Variants in BDH1 observed in about 807,000 individuals in gnomAD.
BDH1 encodes 3-hydroxybutyrate dehydrogenase 1, also known as D-beta-hydroxybutyrate dehydrogenase, mitochondrial.
A neutral mutation model predicts 33.1 loss-of-function variants in BDH1; 30 were observed. The ratio of observed to expected loss-of-function variants is 0.91; its 90% CI spans 0.68 to 1.23. BDH1 has a LOEUF of 1.23. Among genes scored for constraint, BDH1 ranks in the 50% most tolerant of loss-of-function variants. The pLI, the probability that BDH1 is intolerant of heterozygous loss-of-function variation, is 0.00. For synonymous variants in BDH1, 190 were observed against 183.6 expected, an observed-to-expected ratio of 1.03 and a Z score of -0.28; for missense variants, 443 against 464.4, an observed-to-expected ratio of 0.95 and a Z score of 0.42.
chr3:197,530,245 C>T (rs1464294744), intron 5 of BDH1: 1 of 152,188 alleles, frequency 6.6e-6, no homozygotes, highest in Non-Finnish European at 1.5e-5. Context: ...CACTCATGCA[C>T]TCCTGGAGGG....
chr3:197,556,818 G>A (rs551268676), upstream of BDH1, among the ~76,000 whole-genome samples: 1 of 152,356 alleles, frequency 6.6e-6, no homozygotes, highest in Non-Finnish European at 1.5e-5. Flanking sequence ...CTATCGCCCT[G>A]CGCCAGCACA....
intron 1 of BDH1, among the ~76,000 whole-genome samples, chr3:197,571,114 A>T (rs1717592319): frequency 6.6e-6 from 1 of 152,160 alleles, no homozygotes; most frequent in African/African-American, 2.4e-5. Flanking sequence ...TGGATTTTGG[A>T]CTTTCATGGA....
At chr3:197,557,393 T>C (rs1033202786), upstream of BDH1, among the ~76,000 whole-genome samples, 1 of 152,202 alleles carries the variant, frequency 6.6e-6, no homozygotes, top group African/African-American at 2.4e-5. This position sits in a 1 kb window ranked among gnomAD's most constrained non-coding sequence, Gnocchi z 4.6. Context: ...TGAATGAAAC[T>C]TGCAAATACA....
In BDH1 at chr3:197,526,596, C is replaced by T. The variant is rs888441418; in HGVS notation, c.268-3815G>A. Among the ~76,000 whole-genome samples, 16 of 152,316 alleles carry T rather than the reference C, an allele frequency of 1.1e-4. No homozygotes were observed. Among genetic ancestry groups the T allele is most frequent in the Non-Finnish European group, 2.1e-4 (14 of 68,028 alleles). On this transcript the variant is annotated intron_variant, in intron 5 of 7. Coordinates refer to ENST00000392379, the MANE Select transcript of BDH1 (RefSeq NM_203314.3). The surrounding 1 kb of genome is among the most constrained non-coding windows in gnomAD (Gnocchi z 4.7). ...CAGCCCCTGGCCTCAGTGATGTACC[C>T]GCTTCTGGCTGGGGCCACATGGATC...
At chr3:197,546,552 G>A (rs1417728176) in intron 2 of BDH1, 66 bp from the exon 3 acceptor site, 9 of 1,110,514 alleles carry the variant, frequency 8.1e-6, no homozygotes, top group South Asian at 1.4e-5. Flanking sequence ...GAGCAGTCAT[G>A]TTCCTTTCAG....
chr3:197,540,671 AAAAAC>A (rs1413694684), intron 3 of BDH1, among the ~76,000 whole-genome samples: 1 of 152,120 alleles, frequency 6.6e-6, no homozygotes, highest in Non-Finnish European at 1.5e-5. Flanking sequence ...GTCTTAAAAC[AAAAAC>A]AAAACAAAAC....
At chr3:197,570,935 A>G (rs1717586153) in intron 1 of BDH1, among the ~76,000 whole-genome samples, 2 of 152,196 alleles carry the variant, frequency 1.3e-5, no homozygotes. Flanking sequence ...GTGCCTGGAA[A>G]AGTCACAGAC....
At chr3:197,531,639 CAAACCT>C (rs1469570615) in intron 5 of BDH1, among the ~76,000 whole-genome samples, 6 of 151,914 alleles carry the variant, frequency 3.9e-5, no homozygotes, top group African/African-American at 1.5e-4. Flanking sequence ...CCAGAAAATG[CAAACCT>C]AAAGAAATAG....
At chr3:197,542,521 CTTTTTTTTTT>C (rs71164295) in intron 3 of BDH1, among the ~76,000 whole-genome samples, 2 of 106,448 alleles carry the variant, frequency 1.9e-5, no homozygotes, top group Admixed American at 1.0e-4. Context: ...TTCTTGCTTG[CTTTTTTTTTT>C]TTTTTTTTTG....
chr3:197,534,801 G>A (rs1453814794), intron 3 of BDH1, among the ~76,000 whole-genome samples: 2 of 152,160 alleles, frequency 1.3e-5, no homozygotes, highest in Non-Finnish European at 2.9e-5. Context: ...TTTCGCTGTG[G>A]TTTTAATCTG....
chr3:197,531,688 G>A (rs1001905429), intron 5 of BDH1, among the ~76,000 whole-genome samples: 9 of 152,154 alleles, frequency 5.9e-5, no homozygotes, highest in African/African-American at 1.7e-4. Context: ...AGAGGTATAT[G>A]TGGAGATTAA....
chr3:197,537,757 T>C (rs1560326801), intron 3 of BDH1, among the ~76,000 whole-genome samples: 1 of 152,252 alleles, frequency 6.6e-6, no homozygotes, highest in Admixed American at 6.5e-5. Context: ...TCTGCATTGA[T>C]AGAGAGCATC....
chr3:197,544,239 T>C (rs182124617), intron 3 of BDH1, among the ~76,000 whole-genome samples: 69 of 152,202 alleles, frequency 4.5e-4, no homozygotes, highest in African/African-American at 1.5e-3. Context: ...CCCTACGACA[T>C]TGACTCTACT....
At position 197,533,475 on chromosome 3, in the gene BDH1, G is replaced by A; in HGVS notation, c.156+14C>T. 11 of 1,613,912 alleles carry A rather than the reference G, an allele frequency of 6.8e-6. No homozygotes were observed. The highest frequency in any genetic ancestry group is 9.3e-6 in the Non-Finnish European group (11 of 1,179,736). On this transcript the variant is annotated intron_variant, in intron 4 of 7. Coordinates refer to ENST00000392379, the MANE Select transcript of BDH1 (RefSeq NM_203314.3). ...CCATCCAACTGGCTCCCGGGTAGCT[G>A]GGCTTCCACTCACCGGCTCCGCCGC...
At chr3:197,565,518 CTT>C (rs1717406997) in intron 1 of BDH1, among the ~76,000 whole-genome samples, 2 of 151,966 alleles carry the variant, frequency 1.3e-5, no homozygotes, top group South Asian at 4.2e-4. Flanking sequence ...ATACAGGAAA[CTT>C]TGTCAAATAT....
chr3:197,530,514 T>G (rs1383522020), intron 5 of BDH1: 2 of 151,096 alleles, frequency 1.3e-5, no homozygotes, highest in Admixed American at 6.6e-5. Context: ...AGGTGGAGGT[T>G]GCAGTGAGCC....
chr3:197,524,518 C>T (rs566714499), intron 5 of BDH1, among the ~76,000 whole-genome samples: 3 of 152,278 alleles, frequency 2.0e-5, no homozygotes, highest in South Asian at 4.2e-4. Context: ...CCAATGGGGC[C>T]GGAGGTGCTG....
intron 4 of BDH1, 51 bp from the exon 5 acceptor site, chr3:197,532,573 A>G: frequency 7.2e-7 from 1 of 1,386,006 alleles, no homozygotes; most frequent in Non-Finnish European, 1.0e-6. Context: ...ACAGGGGCAA[A>G]GTGACCAGGC....
chr3:197,536,045 CAA>C (rs58323248), intron 3 of BDH1, among the ~76,000 whole-genome samples: 2 of 134,088 alleles, frequency 1.5e-5, no homozygotes, highest in Non-Finnish European at 1.6e-5. Flanking sequence ...GACCCTGTCT[CAA>C]AAAAAAAAAA....
Sources: gnomAD v4.1 joint callset for allele counts (sites outside exome capture counted in the v4.1 genomes callset) on GRCh38, gnomAD v4.1.1 for gene constraint, Gnocchi (gnomAD v3.1) non-coding constraint, MANE v1.5 for transcripts, NCBI Gene and HGNC (gene_info 2026-07-23, HGNC 2026-07-21) for gene names.